The following KCNH6 variants were observed in gnomAD, a reference collection of about 807,000 sequenced individuals.
The protein encoded by KCNH6 is potassium voltage-gated channel subfamily H member 6, also known as voltage-gated inwardly rectifying potassium channel KCNH6.
A neutral mutation model predicts 83.4 loss-of-function variants in KCNH6; 81 were observed. That is an observed-to-expected ratio of 0.97 (90% CI 0.81 to 1.17). The LOEUF (loss-of-function observed/expected upper bound fraction) is 1.17. Among genes scored for constraint, KCNH6 ranks in the 50% most tolerant of loss-of-function variants. The pLI, the probability that KCNH6 is intolerant of heterozygous loss-of-function variation, is 0.00. For missense variants in KCNH6, 1,203 were observed against 1,290.5 expected (o/e 0.93, Z 1.04); for synonymous variants, 503 against 545.6 (o/e 0.92, Z 1.09).
Position 63,530,516 on chromosome 17 carries a change from C to T in KCNH6, c.649C>T (p.Gln217Ter), listed in dbSNP as rs1195938903. The T allele has an allele frequency of 1.2e-6, 2 of 1,614,130 alleles. No homozygotes were observed. Among genetic ancestry groups the T allele is most frequent in the Non-Finnish European group, 1.7e-6 (2 of 1,180,028 alleles). The change falls in exon 4 of 13, where the codon CAG (glutamine) becomes TAG (stop). Residue 217 changes from glutamine (Q) to a stop codon, truncating the protein, a stop_gained. Coordinates refer to ENST00000314672, the MANE Select transcript of KCNH6 (RefSeq NM_001278919.2). LOFTEE classifies it high-confidence loss of function. ...GCCCCATAAGGTGGTGGAGCGGACA[C>T]AGAACGTCACTGAGAAGGTCACCCA... is the stretch of plus-strand genomic sequence containing the variant. ...IAPHKVVERT[Q>*]NVTEKVTQVL...
At position 63,534,978 on chromosome 17, in the gene KCNH6, G is replaced by A. The variant is rs1052913172; in HGVS notation, c.1101+667G>A. 7.9e-5 allele frequency among the ~76,000 whole-genome samples: 12 copies of A among 151,966 alleles called. No individual in the cohort carries two copies. Among genetic ancestry groups the A allele is most frequent in the African/African-American group, 2.4e-4 (10 of 41,366 alleles). The stretch of plus-strand genomic sequence containing the variant: ...CCCACCTGGACACTGAGTGGCCTTC[G>A]TACTCACTTGTGTCCCATCACCAAA... On this transcript the variant is annotated intron_variant, in intron 5 of 12. Transcript: ENST00000314672. This position sits in a 1 kb window ranked among gnomAD's most constrained non-coding sequence, Gnocchi z 5.0.
chr17:63,532,160 C>G (rs2032161991), intron 4 of KCNH6, among the ~76,000 whole-genome samples: 1 of 152,160 alleles, frequency 6.6e-6, no homozygotes, highest in African/African-American at 2.4e-5. Context: ...AGCTGAGGAA[C>G]TCTATTCTCA....
chr17:63,523,543 A>G lies in KCNH6; in HGVS notation c.76+54A>G. 1 of 1,284,932 alleles carries G rather than the reference A, an allele frequency of 7.8e-7. No individual in the cohort carries two copies. Among genetic ancestry groups the G allele is most frequent in the Non-Finnish European group, 1.1e-6 (1 of 913,434 alleles). 79.6% of individuals were successfully genotyped at this position (1,284,932 alleles called of 1,614,324 possible). The stretch of plus-strand genomic sequence containing the variant: ...ACGATCTGGAGTCCTGGTTCCGTGA[A>G]AGGGGGGGCTGGACCCCTTTACTAA... On this transcript the variant is annotated intron_variant, in intron 1 of 12. Transcript: ENST00000314672. This position sits in a 1 kb window ranked among gnomAD's most constrained non-coding sequence, Gnocchi z 4.2.
Position 63,534,331 on chromosome 17 carries a change from G to A in KCNH6, c.1101+20G>A. The A allele has an allele frequency of 6.3e-7, 1 of 1,593,238 alleles. No homozygotes were observed. Among genetic ancestry groups the A allele is most frequent in the Non-Finnish European group, 8.6e-7 (1 of 1,168,968 alleles). On this transcript the variant is annotated intron_variant, in intron 5 of 12. Transcript: ENST00000314672. This position sits in a 1 kb window ranked among gnomAD's most constrained non-coding sequence, Gnocchi z 5.0. The stretch of plus-strand genomic sequence containing the variant: ...GATGAGGTGAGCAGACCCCCTCCAG[G>A]CCAGCAGCCATGGCTGTCCTCTGCA...
downstream of KCNH6, among the ~76,000 whole-genome samples, chr17:63,547,106 C>T (rs1185577027): frequency 1.3e-5 from 2 of 152,022 alleles, no homozygotes; most frequent in African/African-American, 4.8e-5. Flanking sequence ...ACTAAGACAC[C>T]CAAACATGAG....
Position 63,534,417 on chromosome 17 carries a change from C to A in KCNH6, c.1101+106C>A. ...GGTGCGGAGAGTATCTGGCACTGGG[C>A]ACCTTTGCTGAAGCACGTGGAGGTG... On this transcript the variant is annotated intron_variant, in intron 5 of 12. Transcript: ENST00000314672. This position sits in a 1 kb window ranked among gnomAD's most constrained non-coding sequence, Gnocchi z 5.0. 8.5e-7 allele frequency: 1 copy of A among 1,176,522 alleles called. No individual in the cohort carries two copies. The highest frequency in any genetic ancestry group is 1.2e-6 in the Non-Finnish European group (1 of 841,326). 72.9% of individuals were successfully genotyped at this position (1,176,522 alleles called of 1,614,324 possible).
chr17:63,527,193 TGAG>T (rs1317020149), intron 2 of KCNH6, among the ~76,000 whole-genome samples: 1 of 152,188 alleles, frequency 6.6e-6, no homozygotes, highest in Non-Finnish European at 1.5e-5. Flanking sequence ...CAGCTCTTGA[TGAG>T]GAGGATGGGA....
rs11658641 is a variant in KCNH6, at chr17:63,533,539, G to A, written c.676-347G>A. Among the ~76,000 whole-genome samples, 4 of 151,924 alleles carry A rather than the reference G, an allele frequency of 2.6e-5. No individual in the cohort carries two copies. The highest frequency in any genetic ancestry group is 5.9e-5 in the Non-Finnish European group (4 of 67,930). ...TTCTGTGGGCTCTTGTGTGGAATGGGTCTATAGATGTCCATGGGCCTGGCC... is the reference window on the plus strand; with the variant it reads ...TTCTGTGGGCTCTTGTGTGGAATGGATCTATAGATGTCCATGGGCCTGGCC... On this transcript the variant is annotated intron_variant, in intron 4 of 12. Transcript: ENST00000314672. This position sits in a 1 kb window ranked among gnomAD's most constrained non-coding sequence, Gnocchi z 4.1.
intron 9 of KCNH6, 80 bp downstream of exon 9, chr17:63,542,514 C>A: frequency 8.0e-7 from 1 of 1,243,486 alleles, no homozygotes; most frequent in Non-Finnish European, 1.2e-6. Context: ...ATCTGACCAA[C>A]ACCCTTCCTT....
rs1218412821 is a variant in KCNH6, at chr17:63,545,644, A to G, written c.2619A>G (p.Pro873=). 1.2e-6 allele frequency: 2 copies of G among 1,613,818 alleles called. No individual in the cohort carries two copies. Among genetic ancestry groups the G allele is most frequent in the Admixed American group, 3.3e-5 (2 of 59,990 alleles). ...ATGGAGACTTGGATGACTGTAGTCC[A>G]AAGCACAGGAACTCCTCCCCCAGGA... The part of the protein sequence containing the change: ...PSYGDLDDCS[P]KHRNSSPRMP... The change falls in exon 13 of 13, where the codon CCA becomes CCG. Residue 873 remains proline, a synonymous_variant. Transcript: ENST00000314672.
At position 63,538,059 on chromosome 17, in the gene KCNH6, C is replaced by G. The variant is rs1169217461; in HGVS notation, c.1502-6C>G. The stretch of plus-strand genomic sequence containing the variant: ...CGGAGGAGCTCACTCTCCGCCCCGC[C>G]CCCAGCCCTGATGTACGCCAGCATC... On this transcript the variant is annotated splice_region_variant and splice_polypyrimidine_tract_variant and intron_variant, in intron 6 of 12. Coordinates refer to ENST00000314672, the MANE Select transcript of KCNH6 (RefSeq NM_001278919.2). This position sits in a 1 kb window ranked among gnomAD's most constrained non-coding sequence, Gnocchi z 4.0. 3.1e-6 allele frequency: 5 copies of G among 1,612,346 alleles called. No individual in the cohort carries two copies. In the African/African-American group the frequency reaches 4.0e-5, roughly 13 times the overall value.
At chr17:63,527,632 G>T (rs2031806502) in intron 2 of KCNH6, among the ~76,000 whole-genome samples, 1 of 152,234 alleles carries the variant, frequency 6.6e-6, no homozygotes, top group Admixed American at 6.5e-5. Flanking sequence ...CAAGGAAGAA[G>T]CAGGCAGAGA....
At position 63,543,679 on chromosome 17, in the gene KCNH6, C is replaced by CA. The variant is rs749845587; in HGVS notation, c.2233+20dup. 4 of 1,518,856 alleles carry CA rather than the reference C, an allele frequency of 2.6e-6. No individual in the cohort carries two copies. The highest frequency in any genetic ancestry group is 3.7e-6 in the Non-Finnish European group (4 of 1,094,404). 94.1% of individuals were successfully genotyped at this position (1,518,856 alleles called of 1,614,324 possible). A position where few individuals can be genotyped will look rare whatever the true frequency, so the allele number is the denominator to read the frequency against. On this transcript the variant is annotated intron_variant, in intron 10 of 12. Transcript: ENST00000314672. ...CAGTCAGGTGAGCAAAGCCAGCCCC[C>CA]ACCCCCACCAGCCTGTAGCCCCTGC... is the stretch of plus-strand genomic sequence containing the variant.
At chr17:63,524,430 C>G in intron 2 of KCNH6, 61 bp downstream of exon 2, 1 of 1,480,500 alleles carries the variant, frequency 6.8e-7, no homozygotes, top group Non-Finnish European at 9.4e-7. Flanking sequence ...CTTGTCCAGC[C>G]AGGGTGGCCT....
chr17:63,542,370 A>G lies in KCNH6; in HGVS notation c.2084A>G (p.Asp695Gly), dbSNP rs199624512. Residue 695 changes from aspartate (D) to glycine (G), a missense_variant, in exon 9 of 13, where the codon GAC (aspartate) becomes GGC (glycine). Asp to Gly is a moderately conservative substitution (Grantham distance 94, BLOSUM62 -1). Coordinates refer to ENST00000314672, the MANE Select transcript of KCNH6 (RefSeq NM_001278919.2). ...CGGGCAGATCTGCTGGAGGTGCTGG[A>G]CATGTACCCGGCCTTTGCGGAGAGC... The part of the protein sequence containing the change: ...IQRADLLEVL[D>G]MYPAFAESFW... 1.1e-5 allele frequency: 17 copies of G among 1,614,186 alleles called. No homozygotes were observed. Among genetic ancestry groups the G allele is most frequent in the Non-Finnish European group, 1.4e-5 (17 of 1,180,038 alleles).
rs191467632 is a variant in KCNH6, at chr17:63,523,547, G to T, written c.76+58G>T. The T allele has an allele frequency of 9.3e-6, 14 of 1,504,830 alleles. No homozygotes were observed. The East Asian group carries it at 9.8e-5, about 11-fold the overall frequency. The allele number at this position is 1,504,830 out of a possible 1,614,324, so 93.2% of individuals were successfully genotyped here. A position where few individuals can be genotyped will look rare whatever the true frequency, so the allele number is the denominator to read the frequency against. ...TCTGGAGTCCTGGTTCCGTGAAAGG[G>T]GGGGCTGGACCCCTTTACTAACTTC... On this transcript the variant is annotated intron_variant, in intron 1 of 12. Transcript: ENST00000314672. The surrounding 1 kb of genome is among the most constrained non-coding windows in gnomAD (Gnocchi z 4.2).
In KCNH6 at chr17:63,533,988, G is replaced by A; in HGVS notation, c.778G>A (p.Asp260Asn). ...CTACAGCCCCTTCAAGGCCGTGTGG[G>A]ACTGGCTCATCCTGCTGCTGGTCAT... ...LHYSPFKAVWDWLILLLVIYT... is the reference protein window; with the variant it reads ...LHYSPFKAVWNWLILLLVIYT... Residue 260 changes from aspartate to asparagine, a missense_variant, in exon 5 of 13, where the codon GAC (aspartate) becomes AAC (asparagine). Physicochemically the swap from Asp to Asn is conservative, Grantham distance 23. Transcript: ENST00000314672. The surrounding 1 kb of genome is among the most constrained non-coding windows in gnomAD (Gnocchi z 4.1). 6.2e-7 allele frequency: 1 copy of A among 1,614,036 alleles called. No individual in the cohort carries two copies. Among genetic ancestry groups the A allele is most frequent in the Non-Finnish European group, 8.5e-7 (1 of 1,180,010 alleles).
chr17:63,548,083 G>A (rs139295354), downstream of KCNH6, among the ~76,000 whole-genome samples: 2,760 of 151,940 alleles, frequency 0.018, 70 homozygotes, highest in African/African-American at 0.063. Flanking sequence ...GGCTAACAGG[G>A]TGAAACCCCA....
chr17:63,541,542 C>T (rs2032861546), intron 8 of KCNH6, among the ~76,000 whole-genome samples: 1 of 152,162 alleles, frequency 6.6e-6, no homozygotes. Context: ...ATCCACTACC[C>T]TCAGCCTCCC....
Sources: gnomAD v4.1 joint callset for allele counts (sites outside exome capture counted in the v4.1 genomes callset) on GRCh38, gnomAD v4.1.1 for gene constraint, Gnocchi (gnomAD v3.1) non-coding constraint, MANE v1.5 for transcripts, NCBI Gene and HGNC (gene_info 2026-07-23, HGNC 2026-07-21) for gene names.